ATP10B: variants seen among roughly 807,000 people sequenced by gnomAD.
ATP10B encodes phospholipid-transporting ATPase VB.
ATP10B carries 122 observed loss-of-function variants against 141.2 expected under a neutral mutation model. That is an observed-to-expected ratio of 0.86 (90% confidence interval 0.75 to 1.00). The LOEUF is 1.00. Among genes scored for constraint, ATP10B ranks in the 50% least tolerant of loss-of-function variants. The pLI is 0.00. For missense variants in ATP10B, 1,876 were observed against 1,825.3 expected (o/e 1.03, Z -0.51); for synonymous variants, 685 against 692.0 (o/e 0.99, Z 0.16).
the ATP10B span, among the ~76,000 whole-genome samples, chr5:160,926,618 A>G: frequency 6.6e-6 from 1 of 152,250 alleles, no homozygotes; most frequent in Admixed American, 6.5e-5. Flanking sequence ...AAGAAGACGT[A>G]AGTGCAATAA....
intron 13 of ATP10B, among the ~76,000 whole-genome samples, chr5:160,626,591 G>A (rs1758625262): frequency 6.6e-6 from 1 of 152,186 alleles, no homozygotes; most frequent in African/African-American, 2.4e-5. Context: ...TTAACGCTAT[G>A]CCAACATTTC....
At chr5:160,591,940 A>G (rs1194627623) in intron 22 of ATP10B, among the ~76,000 whole-genome samples, 1 of 152,172 alleles carries the variant, frequency 6.6e-6, no homozygotes, top group Non-Finnish European at 1.5e-5. Flanking sequence ...TAATTGCCAG[A>G]TCTCAAATAC....
intron 3 of ATP10B, among the ~76,000 whole-genome samples, chr5:160,709,475 A>C (rs953657921): frequency 1.3e-5 from 2 of 152,204 alleles, no homozygotes; most frequent in African/African-American, 4.8e-5. Flanking sequence ...AGGGACATGT[A>C]AATTAAAACA....
chr5:160,735,181 G>C (rs1387653364), intron 2 of ATP10B, among the ~76,000 whole-genome samples: 1 of 149,706 alleles, frequency 6.7e-6, no homozygotes. Flanking sequence ...AATGTAAATG[G>C]ACTAAAATCT....
Position 160,567,163 on chromosome 5 carries a change from C to T in ATP10B, c.3939-1263G>A, listed in dbSNP as rs556839232. Among the ~76,000 whole-genome samples the T allele has an allele frequency of 8.5e-5, 13 of 152,236 alleles. No homozygotes were observed. The South Asian group carries it at 2.7e-3, about 32-fold the overall frequency. ...CTTCCTCCTCTATTCATTTATTCAA[C>T]AAATGCTTTTCAATTTCCCACAATG... On this transcript the variant is annotated intron_variant, in intron 25 of 25. Coordinates refer to ENST00000327245, the MANE Select transcript of ATP10B (RefSeq NM_025153.3).
chr5:160,679,967 T>C (rs1289716013), intron 6 of ATP10B, among the ~76,000 whole-genome samples: 1 of 152,176 alleles, frequency 6.6e-6, no homozygotes, highest in African/African-American at 2.4e-5. Flanking sequence ...GAAGCTAATC[T>C]CTCCTCGAAG....
intron 1 of ATP10B, among the ~76,000 whole-genome samples, chr5:160,806,796 A>T (rs1056955225): frequency 1.9e-4 from 29 of 152,218 alleles, no homozygotes; most frequent in African/African-American, 6.5e-4. Context: ...TGTAAATGGC[A>T]GAGTAAAGAC....
intron 7 of ATP10B, among the ~76,000 whole-genome samples, chr5:160,665,836 C>A (rs1762287518): frequency 6.6e-6 from 1 of 152,082 alleles, no homozygotes; most frequent in South Asian, 2.1e-4. Flanking sequence ...TTAGTAAAAA[C>A]CCTTTTGGCA....
chr5:160,607,734 T>C (rs1443014626), intron 18 of ATP10B, among the ~76,000 whole-genome samples: 1 of 152,252 alleles, frequency 6.6e-6, no homozygotes, highest in African/African-American at 2.4e-5. Flanking sequence ...GTCTTATTGA[T>C]GGAAATAAAC....
In ATP10B at chr5:160,688,082, A is replaced by T; in HGVS notation, c.-8T>A. The T allele has an allele frequency of 6.2e-7, 1 of 1,609,722 alleles. No individual in the cohort carries two copies. The highest frequency in any genetic ancestry group is 8.5e-7 in the Non-Finnish European group (1 of 1,178,030). ...GTCCACTGAGAGGGCCATTTCCAGC[A>T]GCAGGCGAAGATCTGAAAACAGACA... On this transcript the variant is annotated 5_prime_UTR_variant, in exon 5 of 26. Coordinates refer to ENST00000327245, the MANE Select transcript of ATP10B (RefSeq NM_025153.3).
In ATP10B at chr5:160,851,960, C is replaced by T. The variant is rs61742646; in HGVS notation, c.-595G>A. On this transcript the variant is annotated 5_prime_UTR_variant, in exon 1 of 26. The change abolishes the stop of an existing upstream ORF in the 5' untranslated region. Transcript: ENST00000327245. ...ACTTACCCCAGCAAAGCTGACGTCCCTATTGAGCAGACTCCAGTAGAAGAA... is the reference window on the plus strand; with the variant it reads ...ACTTACCCCAGCAAAGCTGACGTCCTTATTGAGCAGACTCCAGTAGAAGAA... 110 of 152,266 alleles carry T rather than the reference C, an allele frequency of 7.2e-4. No individual in the cohort carries two copies. Among genetic ancestry groups the T allele is most frequent in the African/African-American group, 2.6e-3 (108 of 41,556 alleles). The allele number at this position is 152,266 out of a possible 1,614,324, so 9.4% of individuals were successfully genotyped here. A position where few individuals can be genotyped will look rare whatever the true frequency, so the allele number is the denominator to read the frequency against.
chr5:160,873,320 A>G, the ATP10B span, among the ~76,000 whole-genome samples: 1 of 152,258 alleles, frequency 6.6e-6, no homozygotes, highest in East Asian at 1.9e-4. Context: ...AAAATTTCTC[A>G]TTAACATCAG....
At chr5:160,575,050 A>G (rs1755108685) in intron 24 of ATP10B, among the ~76,000 whole-genome samples, 1 of 152,168 alleles carries the variant, frequency 6.6e-6, no homozygotes, top group Non-Finnish European at 1.5e-5. Flanking sequence ...TTGATATAAT[A>G]GAGATTAACT....
At chr5:160,760,744 G>A (rs991389077) in intron 2 of ATP10B, among the ~76,000 whole-genome samples, 16 of 152,180 alleles carry the variant, frequency 1.1e-4, no homozygotes, top group African/African-American at 3.4e-4. Context: ...TGTCACTGCC[G>A]GCTTTCCCCC....
chr5:160,839,846 T>C (rs1017911334), intron 1 of ATP10B, among the ~76,000 whole-genome samples: 2 of 152,060 alleles, frequency 1.3e-5, no homozygotes, highest in African/African-American at 4.8e-5. Context: ...GAAATCCTCA[T>C]ATTGGACAAA....
At chr5:160,747,493 TAG>T (rs1485527775) in intron 2 of ATP10B, among the ~76,000 whole-genome samples, 1 of 152,176 alleles carries the variant, frequency 6.6e-6, no homozygotes, top group Non-Finnish European at 1.5e-5. Context: ...CTGGATTAGG[TAG>T]ACTCTAATCT....
chr5:160,610,534 G>C (rs1185488430), intron 18 of ATP10B, among the ~76,000 whole-genome samples: 3 of 152,156 alleles, frequency 2.0e-5, no homozygotes, highest in African/African-American at 7.2e-5. Context: ...TGTTGTTTCA[G>C]CTCCTAAGGT....
chr5:160,569,367 C>T (rs1754733427), intron 25 of ATP10B, 129 bp downstream of exon 25: 1 of 896,370 alleles, frequency 1.1e-6, no homozygotes, highest in African/African-American at 1.7e-5. Context: ...TGTCCCATCT[C>T]TCTGTTTCTG....
At chr5:160,843,843 T>A (rs1775951503) in intron 1 of ATP10B, among the ~76,000 whole-genome samples, 1 of 152,120 alleles carries the variant, frequency 6.6e-6, no homozygotes, top group South Asian at 2.1e-4. Context: ...TTCTCAAGTT[T>A]TTTTCATTTT....
Sources: allele counts gnomAD v4.1 joint callset (sites outside exome capture counted in the v4.1 genomes callset), GRCh38; gene constraint gnomAD v4.1.1; transcripts MANE v1.5; gene names NCBI Gene and HGNC (gene_info 2026-07-23, HGNC 2026-07-21).